Variants in C6orf89 observed in about 807,000 individuals in gnomAD.
C6orf89 encodes chromosome 6 open reading frame 89.
In C6orf89, 29 loss-of-function variants were observed where a neutral mutation model predicts 40.7. The ratio of observed to expected loss-of-function variants is 0.71; its 90% CI spans 0.53 to 0.97. The LOEUF is 0.97. Ranked by LOEUF, C6orf89 falls within the 50% of genes least tolerant of loss-of-function variation. C6orf89 has a pLI of 0.00. For missense variants in C6orf89, 392 were observed against 429.1 expected (o/e 0.91, Z 0.76); for synonymous variants, 165 against 152.2 (o/e 1.08, Z -0.62).
At chr6:36,896,269 G>A (rs1021689413) in intron 2 of C6orf89, among the ~76,000 whole-genome samples, 27 of 152,032 alleles carry the variant, frequency 1.8e-4, no homozygotes, top group South Asian at 2.1e-4. Flanking sequence ...CACCACACCC[G>A]GCTAATTTTT....
upstream of C6orf89, among the ~76,000 whole-genome samples, chr6:36,881,498 T>C (rs1336731907): frequency 1.3e-5 from 2 of 151,972 alleles, no homozygotes; most frequent in African/African-American, 4.8e-5. Context: ...CATGGTGAAA[T>C]GCCGTTTCTA....
chr6:36,873,647 G>T (rs1179527885), intron 1 of C6orf89, among the ~76,000 whole-genome samples: 2 of 152,182 alleles, frequency 1.3e-5, no homozygotes, highest in African/African-American at 4.8e-5. Flanking sequence ...GAAATTACAG[G>T]TTGGAGCCTG....
At chr6:36,923,212 T>G in intron 8 of C6orf89, 135 bp from the exon 9 acceptor site, 1 of 618,334 alleles carries the variant, frequency 1.6e-6, no homozygotes, top group Non-Finnish European at 2.9e-6. Context: ...GAAACTAAAT[T>G]AAATAGAAAA....
At chr6:36,889,391 C>G (rs59982601) in intron 1 of C6orf89, among the ~76,000 whole-genome samples, 1,870 of 152,200 alleles carry the variant, frequency 0.012, 35 homozygotes, top group African/African-American at 0.042. Context: ...CTTTCTCCCC[C>G]CAACCCCCAA....
At chr6:36,871,965 C>G in exon 1 of C6orf89, 1 of 1,181,412 alleles carries the variant, frequency 8.5e-7, no homozygotes. Context: ...GATTTTCAAG[C>G]TTGTAAGTCA....
Position 36,905,255 on chromosome 6 carries a change from G to A in C6orf89, c.403+2821G>A, listed in dbSNP as rs142019139. Among the ~76,000 whole-genome samples the A allele has an allele frequency of 1.1e-4, 16 of 152,274 alleles. No individual in the cohort carries two copies. The East Asian group carries it at 3.1e-3, about 29-fold the overall frequency. ...GTTAGGTCACTTGCTCAAGGTCCCA[G>A]GTCTGGTCACGGAGCCATGATTTGA... On this transcript the variant is annotated intron_variant, in intron 4 of 8. Coordinates refer to ENST00000480824, the MANE Select transcript of C6orf89 (RefSeq NM_001286635.2).
chr6:36,891,565 A>G (rs1229359108), intron 1 of C6orf89, among the ~76,000 whole-genome samples: 1 of 152,186 alleles, frequency 6.6e-6, no homozygotes, highest in Non-Finnish European at 1.5e-5. Flanking sequence ...TTGAGGAATC[A>G]CCACACTGTC....
At chr6:36,911,433 T>C (rs1049805071) in intron 4 of C6orf89, among the ~76,000 whole-genome samples, 1 of 151,918 alleles carries the variant, frequency 6.6e-6, no homozygotes, top group African/African-American at 2.4e-5. Context: ...GAGGTTGCAG[T>C]GAGCCGAGAT....
upstream of C6orf89, among the ~76,000 whole-genome samples, chr6:36,881,681 A>G (rs1443276261): frequency 4.7e-5 from 7 of 148,544 alleles, no homozygotes; most frequent in African/African-American, 1.5e-4. Context: ...TCTCGAAAAA[A>G]CAAAACAAAA....
chr6:36,907,081 C>T (rs888202774), intron 4 of C6orf89, among the ~76,000 whole-genome samples: 12 of 152,102 alleles, frequency 7.9e-5, no homozygotes, highest in Non-Finnish European at 1.5e-5. Context: ...TCCCTTCCTC[C>T]CTCTCCCCAA....
At chr6:36,913,644 G>T (rs1762203347) in intron 4 of C6orf89, among the ~76,000 whole-genome samples, 1 of 152,182 alleles carries the variant, frequency 6.6e-6, no homozygotes, top group Non-Finnish European at 1.5e-5. Flanking sequence ...TACATCTTTA[G>T]CTCCACATTG....
intron 2 of C6orf89, among the ~76,000 whole-genome samples, 191 bp from the exon 3 acceptor site, chr6:36,899,234 AT>A (rs1761568456): frequency 1.3e-5 from 2 of 152,122 alleles, no homozygotes; most frequent in Non-Finnish European, 2.9e-5. Flanking sequence ...GTTAACGAAT[AT>A]TTTAAAACTT....
chr6:36,886,055 T>G (rs970743360), intron 1 of C6orf89, 27 bp downstream of exon 1: 3 of 1,214,456 alleles, frequency 2.5e-6, no homozygotes, highest in Middle Eastern at 2.2e-4. Flanking sequence ...CGAGGCTGGG[T>G]GGGGGGAGGC....
Position 36,886,017 on chromosome 6 carries a change from C to A in C6orf89, c.-131C>A. ...CGAGGCGGGAGGAGCCCGAGGGGCG[C>A]GAGCCCCGCATGTGAGTGACTGGGG... is the stretch of plus-strand genomic sequence containing the variant. On this transcript the variant is annotated 5_prime_UTR_variant, in exon 1 of 9. Transcript: ENST00000480824. The A allele has an allele frequency of 1.6e-6, 2 of 1,256,290 alleles. No homozygotes were observed. The highest frequency in any genetic ancestry group is 2.9e-5 in the South Asian group (1 of 34,180). The allele number at this position is 1,256,290 out of a possible 1,614,324, so 77.8% of individuals were successfully genotyped here.
intron 2 of C6orf89, among the ~76,000 whole-genome samples, chr6:36,880,373 G>A (rs116554565): frequency 1.3e-5 from 2 of 152,034 alleles, no homozygotes; most frequent in Admixed American, 1.3e-4. Flanking sequence ...TTAAAAACTG[G>A]CAAAAGAAAA....
intron 1 of C6orf89, among the ~76,000 whole-genome samples, chr6:36,888,728 A>G (rs914551933): frequency 3.3e-5 from 5 of 152,240 alleles, no homozygotes; most frequent in African/African-American, 1.2e-4. Flanking sequence ...GTGATGGTCC[A>G]TAGGAGAGAT....
At chr6:36,895,980 A>G (rs1248293549) in intron 2 of C6orf89, among the ~76,000 whole-genome samples, 1 of 152,210 alleles carries the variant, frequency 6.6e-6, no homozygotes, top group Non-Finnish European at 1.5e-5. Flanking sequence ...TGTCCTTACC[A>G]ACACTTTTTG....
In C6orf89 at chr6:36,874,437, C is replaced by T. The variant is rs6932166; in HGVS notation, c.-628+2470C>T. Among the ~76,000 whole-genome samples, 1,132 of 152,332 alleles carry T rather than the reference C, an allele frequency of 7.4e-3. 12 individuals are homozygous for T. Among genetic ancestry groups the T allele is most frequent in the African/African-American group, 0.024 (977 of 41,564 alleles). ...ATTCCATATGCCTGGCTTGCGGACT[C>T]ATTACACGTTTGTTGAATGAATGAA... is the stretch of plus-strand genomic sequence containing the variant. On this transcript the variant is annotated intron_variant, in intron 1 of 9. Coordinates refer to the C6orf89 transcript ENST00000359359.
intron 1 of C6orf89, among the ~76,000 whole-genome samples, chr6:36,893,186 G>A (rs537827490): frequency 5.1e-4 from 76 of 150,314 alleles, no homozygotes; most frequent in African/African-American, 1.7e-3. Flanking sequence ...TGCCCGCCTC[G>A]GCCTCCCAAA....
Sources: gnomAD v4.1 joint callset for allele counts (sites outside exome capture counted in the v4.1 genomes callset) on GRCh38, gnomAD v4.1.1 for gene constraint, MANE v1.5 for transcripts, NCBI Gene and HGNC (gene_info 2026-07-23, HGNC 2026-07-21) for gene names.